Variants in DNAAF4 observed in about 807,000 individuals in gnomAD.
DNAAF4 encodes dynein axonemal assembly factor 4.
Under a neutral mutation model 51.8 loss-of-function variants are expected in DNAAF4, and 43 were observed. The ratio of observed to expected loss-of-function variants is 0.83; its 90% CI spans 0.65 to 1.07. The LOEUF is 1.07. Among genes scored for constraint, DNAAF4 ranks in the 50% least tolerant of loss-of-function variants. The pLI is 0.00. For missense variants in DNAAF4, 581 were observed against 493.0 expected, an observed-to-expected ratio of 1.18 and a Z score of -1.69; for synonymous variants, 194 against 165.6, an observed-to-expected ratio of 1.17 and a Z score of -1.32.
intron 5 of DNAAF4, among the ~76,000 whole-genome samples, chr15:55,463,973 G>C (rs901684062): frequency 6.6e-6 from 1 of 151,870 alleles, no homozygotes; most frequent in Admixed American, 6.6e-5. Context: ...AATTCATATA[G>C]AACAAAAAAA....
At chr15:55,449,446 T>C (rs1375061726) in intron 6 of DNAAF4, among the ~76,000 whole-genome samples, 2 of 149,806 alleles carry the variant, frequency 1.3e-5, no homozygotes, top group Non-Finnish European at 1.5e-5. Context: ...GTGGATCGCC[T>C]GAGGTCAGGA....
At chr15:55,460,146 A>G (rs1408072540) in intron 5 of DNAAF4, among the ~76,000 whole-genome samples, 1 of 151,548 alleles carries the variant, frequency 6.6e-6, no homozygotes, top group Admixed American at 6.6e-5. Context: ...CTAACACTAG[A>G]ACTCTCAAAT....
At chr15:55,482,833 T>C (rs1032084148) in intron 4 of DNAAF4, among the ~76,000 whole-genome samples, 3 of 152,206 alleles carry the variant, frequency 2.0e-5, no homozygotes, top group African/African-American at 7.2e-5. Flanking sequence ...CCATCCATAC[T>C]ATGCCATATT....
Position 55,434,950 on chromosome 15 carries a change from G to A in DNAAF4, c.1002C>T (p.His334=). The A allele has an allele frequency of 6.2e-7, 1 of 1,612,368 alleles. No individual in the cohort carries two copies. Residue 334 remains histidine, a synonymous_variant, in exon 8 of 10, where the codon CAC becomes CAT. Transcript: ENST00000321149. ...PLLYLNRAAC[H]LKLKNLHKAI... Reference sequence around the variant, plus strand: ...CCTTGTGTAAGTTTTTTAGTTTTAGGTGGCAAGCAGCCCGGTTCAAATACA... The same window carrying A: ...CCTTGTGTAAGTTTTTTAGTTTTAGATGGCAAGCAGCCCGGTTCAAATACA...
rs1055873823 is a variant in DNAAF4, at chr15:55,450,166, A to G, written c.783+56T>C. 1.1e-5 allele frequency: 17 copies of G among 1,509,400 alleles called. No individual in the cohort carries two copies. In the Admixed American group the frequency reaches 3.7e-4, roughly 33 times the overall value. 93.5% of individuals were successfully genotyped at this position (1,509,400 alleles called of 1,614,324 possible). A position where few individuals can be genotyped will look rare whatever the true frequency, so the allele number is the denominator to read the frequency against. On this transcript the variant is annotated intron_variant, in intron 6 of 9. Coordinates refer to ENST00000321149, the MANE Select transcript of DNAAF4 (RefSeq NM_130810.4). ...AACCAGTACTAATTTCAATAGATGA[A>G]ATAAAAATAAAGTATTTTCATTTGT...
chr15:55,473,217 ATATATG>A (rs1377515956), intron 4 of DNAAF4, among the ~76,000 whole-genome samples: 2,024 of 117,858 alleles, frequency 0.017, 315 homozygotes, highest in African/African-American at 0.03. Context: ...ATATATATAT[ATATATG>A]TGTGTGTGTA....
At chr15:55,465,389 TATATACACACACACACACACAC>T (rs2058154500) in intron 5 of DNAAF4, among the ~76,000 whole-genome samples, 1 of 128,498 alleles carries the variant, frequency 7.8e-6, no homozygotes, top group Non-Finnish European at 1.6e-5. Flanking sequence ...ATATGGTGTA[TATATACACACACACACACACAC>T]ACACACACAC....
rs2057914165 is a variant in DNAAF4, at chr15:55,450,381, G to A, written c.638-14C>T. ...CTGAATTTCTCCCTTCAAAAACAAT[G>A]GTAGCAAACAAGTCACTTATTTCTC... On this transcript the variant is annotated splice_polypyrimidine_tract_variant and intron_variant, in intron 5 of 9. Coordinates refer to ENST00000321149, the MANE Select transcript of DNAAF4 (RefSeq NM_130810.4). 3.7e-6 allele frequency: 6 copies of A among 1,604,418 alleles called. No homozygotes were observed. The highest frequency in any genetic ancestry group is 5.1e-6 in the Non-Finnish European group (6 of 1,176,490).
At chr15:55,461,786 A>G (rs543033054) in intron 5 of DNAAF4, among the ~76,000 whole-genome samples, 6 of 152,188 alleles carry the variant, frequency 3.9e-5, no homozygotes, top group Non-Finnish European at 8.8e-5. Context: ...AATAACAAAG[A>G]TCAGAGCAGA....
intron 7 of DNAAF4, among the ~76,000 whole-genome samples, chr15:55,424,144 A>C (rs1197703000): frequency 1.3e-5 from 2 of 151,898 alleles, no homozygotes. Flanking sequence ...AATAAATTAA[A>C]GTTGTTAATA....
At chr15:55,421,187 C>CAA (rs35897132) in intron 7 of DNAAF4, among the ~76,000 whole-genome samples, 47,820 of 109,770 alleles carry the variant, frequency 0.44, 10,209 homozygotes, top group Non-Finnish European at 0.5. Context: ...GAGACTATCT[C>CAA]AAAAAAAAAA....
downstream of DNAAF4, among the ~76,000 whole-genome samples, chr15:55,429,130 G>A (rs1056876794): frequency 1.3e-5 from 2 of 151,970 alleles, no homozygotes; most frequent in African/African-American, 4.8e-5. Context: ...GCTGAGGCAG[G>A]AGAATTGCTT....
intron 5 of DNAAF4, among the ~76,000 whole-genome samples, chr15:55,451,539 T>A (rs1307482745): frequency 2.0e-5 from 3 of 151,062 alleles, no homozygotes; most frequent in Non-Finnish European, 4.4e-5. Flanking sequence ...AAACCAGGAG[T>A]GGGGAATTTG....
chr15:55,492,851 C>CG (rs569016434), intron 3 of DNAAF4, among the ~76,000 whole-genome samples: 60 of 152,108 alleles, frequency 3.9e-4, no homozygotes, highest in South Asian at 2.5e-3. Context: ...TTGTGATACA[C>CG]GATTATGTGC....
intron 1 of DNAAF4, among the ~76,000 whole-genome samples, chr15:55,499,030 G>A (rs989716526): frequency 6.6e-6 from 1 of 152,156 alleles, no homozygotes; most frequent in African/African-American, 2.4e-5. Flanking sequence ...CCCATGAGGA[G>A]CAGGTGCAAT....
At chr15:55,500,353 C>G (rs536709781) in intron 1 of DNAAF4, among the ~76,000 whole-genome samples, 1 of 151,504 alleles carries the variant, frequency 6.6e-6, no homozygotes, top group Non-Finnish European at 1.5e-5. Flanking sequence ...CCCACGAATC[C>G]CATGGACTTT....
chr15:55,433,900 T>TA (rs2057548837), intron 8 of DNAAF4, among the ~76,000 whole-genome samples: 2 of 27,002 alleles, frequency 7.4e-5, no homozygotes, highest in Non-Finnish European at 1.2e-4. Flanking sequence ...ATATATTATA[T>TA]ATATTATATA....
At chr15:55,460,447 T>G (rs1170911899) in intron 5 of DNAAF4, among the ~76,000 whole-genome samples, 1 of 152,152 alleles carries the variant, frequency 6.6e-6, no homozygotes. Context: ...CCCAAAGTGC[T>G]GAGATTACAG....
chr15:55,491,098 A>T lies in DNAAF4; in HGVS notation c.405+25T>A, dbSNP rs761697978. The T allele has an allele frequency of 1.4e-5, 22 of 1,613,578 alleles. No individual in the cohort carries two copies. The South Asian group carries it at 2.3e-4, about 17-fold the overall frequency. The stretch of plus-strand genomic sequence containing the variant: ...TAGTCTACTATTATCTCTTTAGAGG[A>T]CTTGCCTGTCATTCTGCAACTTACC... On this transcript the variant is annotated intron_variant, in intron 4 of 9. Transcript: ENST00000321149.
Sources: gnomAD v4.1 joint callset for allele counts (sites outside exome capture counted in the v4.1 genomes callset) on GRCh38, gnomAD v4.1.1 for gene constraint, MANE v1.5 for transcripts, NCBI Gene and HGNC (gene_info 2026-07-23, HGNC 2026-07-21) for gene names.